The following PPP4R2 variants were observed in gnomAD, a reference collection of about 807,000 sequenced individuals.
PPP4R2 encodes serine/threonine-protein phosphatase 4 regulatory subunit 2.
PPP4R2 carries 13 observed loss-of-function variants against 47.2 expected under a neutral mutation model. The observed-to-expected ratio is 0.28, with a 90% CI of 0.18 to 0.44. The LOEUF (loss-of-function observed/expected upper bound fraction) is 0.44. Among genes scored for constraint, PPP4R2 ranks in the 20% least tolerant of loss-of-function variants. The probability of loss-of-function intolerance (pLI) is 1.00; values close to 1 mark genes in which losing one functional copy is unlikely to be tolerated. For synonymous variants in PPP4R2, 151 were observed against 163.3 expected (o/e 0.92, Z 0.57); for missense variants, 421 against 491.2 (o/e 0.86, Z 1.35).
At chr3:73,034,377 G>C (rs147118351) in intron 2 of PPP4R2, among the ~76,000 whole-genome samples, 1,943 of 152,288 alleles carry the variant, frequency 0.013, 25 homozygotes, top group Non-Finnish European at 0.017. Flanking sequence ...CAGAACACTT[G>C]CTGACTATTA....
chr3:73,063,849 T>C, intron 6 of PPP4R2, 102 bp downstream of exon 6: 1 of 1,086,224 alleles, frequency 9.2e-7, no homozygotes, highest in Non-Finnish European at 1.4e-6. Context: ...ATGGACACCA[T>C]AGGATGAACT....
At chr3:73,004,944 CGTGTGTGTGTGTGTGTGTGTGTGTGTGT>C (rs67945272) in intron 2 of PPP4R2, among the ~76,000 whole-genome samples, 1 of 116,950 alleles carries the variant, frequency 8.6e-6, no homozygotes, top group Non-Finnish European at 1.7e-5. Flanking sequence ...GAGTCGGAGT[CGTGTGTGTGTGTGTGTGTGTGTGTGTGT>C]GTGTGTGTGT....
chr3:73,024,664 TCTCC>T (rs574713553), intron 2 of PPP4R2, among the ~76,000 whole-genome samples: 6 of 152,242 alleles, frequency 3.9e-5, no homozygotes, highest in Admixed American at 1.3e-4. Context: ...CCTCCCTCCT[TCTCC>T]TTTCCTTTCC....
At chr3:73,000,256 T>C (rs1701431599) in intron 2 of PPP4R2, among the ~76,000 whole-genome samples, 1 of 152,136 alleles carries the variant, frequency 6.6e-6, no homozygotes, top group Non-Finnish European at 1.5e-5. Flanking sequence ...ATTGTTGGAA[T>C]GTGGGAGGTT....
intron 3 of PPP4R2, among the ~76,000 whole-genome samples, chr3:73,055,993 T>G (rs894222548): frequency 9.2e-5 from 14 of 152,236 alleles, no homozygotes; most frequent in Non-Finnish European, 1.6e-4. Context: ...AATAGACTTT[T>G]CATTGAGAAT....
chr3:73,009,095 T>G (rs9852839), intron 2 of PPP4R2, among the ~76,000 whole-genome samples: 2,467 of 152,316 alleles, frequency 0.016, 79 homozygotes, highest in African/African-American at 0.056. Flanking sequence ...TTTCATCACT[T>G]AAGTTACTGT....
chr3:73,046,287 A>G (rs1212126114), intron 2 of PPP4R2, among the ~76,000 whole-genome samples: 2 of 152,294 alleles, frequency 1.3e-5, no homozygotes, highest in East Asian at 1.9e-4. Flanking sequence ...ACCCTAGTTT[A>G]TAGGGTTGCT....
At chr3:73,020,036 A>G (rs1701926889) in intron 2 of PPP4R2, among the ~76,000 whole-genome samples, 1 of 152,216 alleles carries the variant, frequency 6.6e-6, no homozygotes, top group Non-Finnish European at 1.5e-5. Context: ...TCTTCAAAAT[A>G]CAAATTTACT....
intron 5 of PPP4R2, chr3:73,062,107 C>T (rs1457909336): frequency 9.7e-6 from 15 of 1,545,652 alleles, no homozygotes; most frequent in Non-Finnish European, 1.3e-5. Flanking sequence ...AAATTGTATG[C>T]TTATGTTAAT....
intron 3 of PPP4R2, among the ~76,000 whole-genome samples, chr3:73,055,885 C>T (rs1415427169): frequency 1.3e-5 from 2 of 152,080 alleles, no homozygotes; most frequent in African/African-American, 4.8e-5. Flanking sequence ...GGATTACAGG[C>T]GTGAGCCACC....
At chr3:73,026,375 C>T (rs1702062994) in intron 2 of PPP4R2, among the ~76,000 whole-genome samples, 1 of 152,068 alleles carries the variant, frequency 6.6e-6, no homozygotes, top group East Asian at 1.9e-4. Context: ...ACTTTGTGCT[C>T]ATTTTAAAAG....
At chr3:73,054,323 T>C (rs1702684552) in intron 3 of PPP4R2, among the ~76,000 whole-genome samples, 1 of 152,216 alleles carries the variant, frequency 6.6e-6, no homozygotes, top group Non-Finnish European at 1.5e-5. Context: ...TTTATGAATG[T>C]GTATGTTTAT....
intron 2 of PPP4R2, among the ~76,000 whole-genome samples, chr3:73,023,309 C>A (rs932425768): frequency 6.6e-6 from 1 of 152,016 alleles, no homozygotes; most frequent in African/African-American, 2.4e-5. Flanking sequence ...GCCTCAGCCT[C>A]CCGAGTAGCT....
intron 2 of PPP4R2, among the ~76,000 whole-genome samples, chr3:73,002,536 G>T (rs546080682): frequency 6.6e-6 from 1 of 151,860 alleles, no homozygotes; most frequent in South Asian, 2.1e-4. Context: ...ATGAGCCATT[G>T]CACTGAGCTG....
intron 2 of PPP4R2, among the ~76,000 whole-genome samples, chr3:73,027,275 C>T (rs924796002): frequency 1.2e-4 from 18 of 152,108 alleles, no homozygotes; most frequent in Admixed American, 7.9e-4. Context: ...TACAGGCGTG[C>T]GCCACCATTG....
intron 3 of PPP4R2, among the ~76,000 whole-genome samples, chr3:73,049,190 T>C (rs1702558079): frequency 6.6e-6 from 1 of 152,154 alleles, no homozygotes; most frequent in Non-Finnish European, 1.5e-5. Flanking sequence ...ACTAAATGAA[T>C]ACATTCAAGA....
intron 2 of PPP4R2, among the ~76,000 whole-genome samples, chr3:73,037,721 A>T (rs777101370): frequency 7.2e-5 from 11 of 152,164 alleles, no homozygotes; most frequent in Non-Finnish European, 1.5e-4. Flanking sequence ...CTTTTTCTGT[A>T]AGGTTCAGCT....
At chr3:73,029,821 A>C (rs975113411) in intron 2 of PPP4R2, among the ~76,000 whole-genome samples, 13 of 152,248 alleles carry the variant, frequency 8.5e-5, no homozygotes, top group Non-Finnish European at 1.6e-4. Flanking sequence ...AATGAACAAG[A>C]AAGATAAAAG....
At chr3:73,021,003 G>T (rs1235146956) in intron 2 of PPP4R2, among the ~76,000 whole-genome samples, 2 of 152,114 alleles carry the variant, frequency 1.3e-5, no homozygotes, top group Non-Finnish European at 2.9e-5. Context: ...GGGCAGGCGG[G>T]TAAGGGCACA....
Sources: gnomAD v4.1 joint callset for allele counts (sites outside exome capture counted in the v4.1 genomes callset) on GRCh38, gnomAD v4.1.1 for gene constraint, MANE v1.5 for transcripts, NCBI Gene and HGNC (gene_info 2026-07-23, HGNC 2026-07-21) for gene names.